The following DCBLD2 variants were observed in gnomAD, a reference collection of about 807,000 sequenced individuals.
DCBLD2 encodes the protein discoidin, CUB and LCCL domain-containing protein 2.
A neutral mutation model predicts 86.8 loss-of-function variants in DCBLD2; 54 were observed. The ratio of observed to expected loss-of-function variants is 0.62; its 90% CI spans 0.50 to 0.78. The LOEUF is 0.78. DCBLD2 is among the 30% of genes least tolerant of loss of function. The pLI is 0.00. For missense variants in DCBLD2, 908 were observed against 954.2 expected, an observed-to-expected ratio of 0.95 and a Z score of 0.64; for synonymous variants, 354 against 341.3, an observed-to-expected ratio of 1.04 and a Z score of -0.41.
chr3:98,823,058 A>G (rs913373853), intron 4 of DCBLD2, among the ~76,000 whole-genome samples: 1 of 152,140 alleles, frequency 6.6e-6, no homozygotes, highest in African/African-American at 2.4e-5. Flanking sequence ...TTTTTAGTAG[A>G]GATGGGGTTT....
At chr3:98,861,433 G>A (rs1430922954) in intron 2 of DCBLD2, among the ~76,000 whole-genome samples, 1 of 152,152 alleles carries the variant, frequency 6.6e-6, no homozygotes, top group Non-Finnish European at 1.5e-5. Context: ...GTTCTTCTCA[G>A]CACCACATTG....
chr3:98,799,585 C>A lies in DCBLD2; in HGVS notation c.2115G>T (p.Gly705=). The A allele has an allele frequency of 1.2e-6, 2 of 1,613,944 alleles. No individual in the cohort carries two copies. Among genetic ancestry groups the A allele is most frequent in the Non-Finnish European group, 1.7e-6 (2 of 1,179,868 alleles). ...QPSTSTFKAT[G]NQPPPLVGTY... Reference sequence around the variant, plus strand: ...TTCCCACTAGTGGGGGAGGTTGGTTCCCCGTAGCCTTGAAAGTGGATGTGG... The same window carrying A: ...TTCCCACTAGTGGGGGAGGTTGGTTACCCGTAGCCTTGAAAGTGGATGTGG... Residue 705 remains glycine (G), a synonymous_variant, in exon 16 of 16, where the codon GGG becomes GGT. Transcript: ENST00000326840.
chr3:98,862,937 G>C (rs2107500745), intron 2 of DCBLD2, among the ~76,000 whole-genome samples: 1 of 152,322 alleles, frequency 6.6e-6, no homozygotes, highest in South Asian at 2.1e-4. Flanking sequence ...AATTGTCCCT[G>C]TTTGCAGATG....
At chr3:98,894,864 A>G (rs974568148) in intron 1 of DCBLD2, among the ~76,000 whole-genome samples, 13 of 152,182 alleles carry the variant, frequency 8.5e-5, no homozygotes, top group Non-Finnish European at 1.6e-4. Context: ...TAGAAATAAG[A>G]AAATGAATAA....
At chr3:98,838,525 G>A (rs1225743172) in intron 3 of DCBLD2, among the ~76,000 whole-genome samples, 1 of 147,032 alleles carries the variant, frequency 6.8e-6, no homozygotes, top group Non-Finnish European at 1.5e-5. Context: ...TTCCTAGATG[G>A]GATGGCGGCC....
intron 2 of DCBLD2, among the ~76,000 whole-genome samples, chr3:98,865,323 G>A (rs1393899354): frequency 6.6e-6 from 1 of 152,032 alleles, no homozygotes; most frequent in Non-Finnish European, 1.5e-5. Flanking sequence ...TAACAACATG[G>A]ATGAAACTGG....
At chr3:98,872,878 T>C (rs949465247) in intron 2 of DCBLD2, among the ~76,000 whole-genome samples, 4 of 152,204 alleles carry the variant, frequency 2.6e-5, no homozygotes, top group African/African-American at 9.6e-5. Context: ...GTATCAGTTA[T>C]AAATAAATGC....
chr3:98,826,138 T>C (rs1412486396), intron 3 of DCBLD2, among the ~76,000 whole-genome samples: 2 of 151,376 alleles, frequency 1.3e-5, no homozygotes, highest in South Asian at 2.1e-4. Flanking sequence ...ACCAAGTTCA[T>C]AGGCTATGTA....
chr3:98,806,671 G>A (rs1941845819), intron 13 of DCBLD2, among the ~76,000 whole-genome samples: 1 of 152,124 alleles, frequency 6.6e-6, no homozygotes, highest in South Asian at 2.1e-4. Context: ...ACTTGACATA[G>A]GGTAACAGCC....
intron 13 of DCBLD2, among the ~76,000 whole-genome samples, chr3:98,806,392 C>T (rs1227357685): frequency 2.0e-5 from 3 of 152,218 alleles, no homozygotes; most frequent in African/African-American, 7.2e-5. Context: ...CTCATCACTA[C>T]TATCACTGTT....
rs529344446 is a variant in DCBLD2, at chr3:98,861,915, C to CA, written c.434-12318dup. ...GGAGATAGGGACACAAAAAAACCTTCAAAAAATCAATGAATCCAGGAGATG... is the reference window on the plus strand; with the variant it reads ...GGAGATAGGGACACAAAAAAACCTTCAAAAAAATCAATGAATCCAGGAGATG... On this transcript the variant is annotated intron_variant, in intron 2 of 15. Transcript: ENST00000326840. 5.3e-4 allele frequency among the ~76,000 whole-genome samples: 81 copies of CA among 152,038 alleles called. 1 individual carries two copies. In the South Asian group the frequency reaches 0.015, roughly 28 times the overall value.
intron 1 of DCBLD2, among the ~76,000 whole-genome samples, chr3:98,896,757 T>A (rs964395245): frequency 2.6e-5 from 4 of 152,192 alleles, no homozygotes; most frequent in Non-Finnish European, 4.4e-5. Context: ...GAAAACCGAA[T>A]CCAGGAGCCA....
chr3:98,884,631 C>T (rs1412899443), intron 1 of DCBLD2, among the ~76,000 whole-genome samples: 2 of 152,030 alleles, frequency 1.3e-5, no homozygotes, highest in Non-Finnish European at 1.5e-5. Flanking sequence ...GTCTGAAATG[C>T]CCTTACTACT....
chr3:98,880,562 T>C (rs1055435756), intron 2 of DCBLD2, among the ~76,000 whole-genome samples: 9 of 152,186 alleles, frequency 5.9e-5, no homozygotes, highest in Admixed American at 4.6e-4. Flanking sequence ...TCAACTGGTC[T>C]AGGATGGTAA....
At chr3:98,900,501 C>T (rs1250559516) in intron 1 of DCBLD2, among the ~76,000 whole-genome samples, 2 of 151,896 alleles carry the variant, frequency 1.3e-5, no homozygotes, top group African/African-American at 2.4e-5. Context: ...TTGTCACTTT[C>T]TGGAAAGGCT....
chr3:98,897,682 C>T (rs911258678), intron 1 of DCBLD2, among the ~76,000 whole-genome samples: 1 of 152,022 alleles, frequency 6.6e-6, no homozygotes, highest in African/African-American at 2.4e-5. Context: ...AAGAATGAAC[C>T]TGATTTGTTT....
At chr3:98,860,947 G>A (rs1362963537) in intron 2 of DCBLD2, among the ~76,000 whole-genome samples, 1 of 152,096 alleles carries the variant, frequency 6.6e-6, no homozygotes, top group Admixed American at 6.6e-5. Flanking sequence ...ATAAAGAGTC[G>A]AGACTCATCA....
At chr3:98,873,273 T>C (rs1943309639) in intron 2 of DCBLD2, among the ~76,000 whole-genome samples, 1 of 151,694 alleles carries the variant, frequency 6.6e-6, no homozygotes, top group Non-Finnish European at 1.5e-5. Context: ...AAATAGGAGA[T>C]CAAACAGATA....
intron 2 of DCBLD2, among the ~76,000 whole-genome samples, chr3:98,851,965 C>A (rs1315226729): frequency 5.9e-5 from 9 of 152,116 alleles, no homozygotes; most frequent in African/African-American, 2.2e-4. Context: ...AACGTAAGAC[C>A]TAAAACCATA....
Sources: allele counts gnomAD v4.1 joint callset (sites outside exome capture counted in the v4.1 genomes callset), GRCh38; gene constraint gnomAD v4.1.1; transcripts MANE v1.5; gene names NCBI Gene and HGNC (gene_info 2026-07-23, HGNC 2026-07-21).